Variants in HIRA observed in about 807,000 individuals in gnomAD.
HIRA encodes protein HIRA.
In HIRA, 13 loss-of-function variants were observed where a neutral mutation model predicts 126.6. The ratio of observed to expected loss-of-function variants is 0.10; its 90% CI spans 0.07 to 0.16. The LOEUF is 0.16. Among genes scored for constraint, HIRA ranks in the 10% least tolerant of loss-of-function variants. HIRA has a pLI of 1.00. For missense variants in HIRA, 834 were observed against 1,314.4 expected, an observed-to-expected ratio of 0.63 and a Z score of 5.65; for synonymous variants, 511 against 520.0, an observed-to-expected ratio of 0.98 and a Z score of 0.24.
intron 17 of HIRA, among the ~76,000 whole-genome samples, chr22:19,360,958 T>C (rs1324980530): frequency 1.3e-5 from 2 of 151,618 alleles, no homozygotes; most frequent in African/African-American, 4.9e-5. Context: ...CTGAGAGGAG[T>C]CCTGAAGAGC....
rs782052562 is a variant in HIRA at position 19,356,876 on chromosome 22, T to C, written c.2396+14A>G. The C allele has an allele frequency of 1.4e-5, 23 of 1,612,964 alleles. No homozygotes were observed. The highest frequency in any genetic ancestry group is 1.9e-5 in the Non-Finnish European group (22 of 1,179,668). On this transcript the variant is annotated intron_variant, in intron 19 of 24. Coordinates refer to ENST00000263208, the MANE Select transcript of HIRA (RefSeq NM_003325.4). ...CCTGGCTGAAGCCCACCCCACCCTG[T>C]GCCTGCCTCTCACCAGACAGAGAGT...
intron 5 of HIRA, chr22:19,405,379 G>A (rs1240789838): frequency 2.4e-5 from 12 of 500,042 alleles, no homozygotes; most frequent in Non-Finnish European, 1.8e-5. Context: ...TTAAAACACT[G>A]CAAACATACT....
chr22:19,348,566 G>A (rs2088715343), intron 24 of HIRA, among the ~76,000 whole-genome samples: 1 of 151,932 alleles, frequency 6.6e-6, no homozygotes, highest in Non-Finnish European at 1.5e-5. Context: ...CGCGATCTCG[G>A]CTCACTGCAA....
intron 5 of HIRA, among the ~76,000 whole-genome samples, chr22:19,404,511 G>A (rs750525850): frequency 3.3e-5 from 5 of 152,078 alleles, no homozygotes; most frequent in East Asian, 1.9e-4. Context: ...AACACTAACC[G>A]TTTCAGCTTT....
In HIRA at chr22:19,375,667, G is replaced by A. The variant is rs778236065; in HGVS notation, c.1739C>T (p.Pro580Leu). 4 of 1,614,092 alleles carry A rather than the reference G, an allele frequency of 2.5e-6. No individual in the cohort carries two copies. Among genetic ancestry groups the A allele is most frequent in the Non-Finnish European group, 3.4e-6 (4 of 1,180,054 alleles). Reference protein sequence around the residue: ...TERSKATPGAPALTSMTPTAV... With the variant: ...TERSKATPGALALTSMTPTAV... ...TGTCGGAGTCATGCTGGTCAGGGCAGGAGCACCTGGTGTGGCTTTGGACCG... is the reference window on the plus strand; with the variant it reads ...TGTCGGAGTCATGCTGGTCAGGGCAAGAGCACCTGGTGTGGCTTTGGACCG... Residue 580 changes from proline (P) to leucine (L), a missense_variant, in exon 15 of 25, where the codon CCT becomes CTT. By Grantham distance (98) the Pro-to-Leu change is moderately conservative. Around this residue, in one of 5 missense-constraint regions of HIRA, gnomAD observed 468 missense variants for 574.2 expected, o/e 0.82. Transcript: ENST00000263208.
At chr22:19,392,738 CAG>C (rs1182574512) in intron 8 of HIRA, among the ~76,000 whole-genome samples, 11 of 152,182 alleles carry the variant, frequency 7.2e-5, no homozygotes, top group African/African-American at 2.7e-4. Flanking sequence ...TCTGCTCAGT[CAG>C]AGAGTCATTT....
intron 13 of HIRA, among the ~76,000 whole-genome samples, chr22:19,381,853 T>C (rs2089076309): frequency 6.6e-6 from 1 of 152,256 alleles, no homozygotes; most frequent in African/African-American, 2.4e-5. Flanking sequence ...CTGAGTTACC[T>C]GTTCCTTAAA....
At chr22:19,352,446 A>G (rs1212481161) in intron 23 of HIRA, among the ~76,000 whole-genome samples, 2 of 152,180 alleles carry the variant, frequency 1.3e-5, no homozygotes, top group Non-Finnish European at 2.9e-5. Flanking sequence ...TGGCAACCAC[A>G]TAGACCTGGT....
At chr22:19,399,003 C>T (rs2089245754) in intron 5 of HIRA, 13 of 483,452 alleles carry the variant, frequency 2.7e-5, no homozygotes, top group Non-Finnish European at 3.2e-5. Flanking sequence ...AAACAAAAAA[C>T]CCCAAAACCT....
intron 24 of HIRA, among the ~76,000 whole-genome samples, chr22:19,341,366 T>G (rs952957958): frequency 5.3e-5 from 8 of 151,054 alleles, no homozygotes; most frequent in Non-Finnish European, 8.8e-5. Flanking sequence ...GCAGGATCAC[T>G]TGAGCCTTGG....
At chr22:19,364,624 A>G (rs543311307) in intron 15 of HIRA, among the ~76,000 whole-genome samples, 1 of 152,284 alleles carries the variant, frequency 6.6e-6, no homozygotes, top group East Asian at 1.9e-4. Flanking sequence ...TGTGAACCAC[A>G]CCCATGTAAG....
intron 17 of HIRA, among the ~76,000 whole-genome samples, chr22:19,359,686 G>A (rs2088846374): frequency 6.6e-6 from 1 of 152,212 alleles, no homozygotes; most frequent in South Asian, 2.1e-4. Context: ...CCCAAGGCAG[G>A]GAGAATGCTG....
chr22:19,366,266 G>A (rs1042495094), intron 15 of HIRA, among the ~76,000 whole-genome samples: 1 of 151,954 alleles, frequency 6.6e-6, no homozygotes, highest in African/African-American at 2.4e-5. Flanking sequence ...GGAGGCTGAG[G>A]CAGGAGAATG....
rs139400782 is a variant in HIRA, at chr22:19,363,801, G to T, written c.1776-1870C>A. 3.7e-3 allele frequency among the ~76,000 whole-genome samples: 569 copies of T among 152,300 alleles called. 2 individuals carry two copies. Among genetic ancestry groups the T allele is most frequent in the Middle Eastern group, 6.8e-3 (2 of 294 alleles). On this transcript the variant is annotated intron_variant, in intron 15 of 24. Coordinates refer to ENST00000263208, the MANE Select transcript of HIRA (RefSeq NM_003325.4). ...TAATCCCAGCTACCTGGGAGGCTGA[G>T]GTAGGAGAATTGCTTGAACCTGGGA...
chr22:19,408,205 G>A (rs950378308), intron 3 of HIRA, among the ~76,000 whole-genome samples: 1 of 152,138 alleles, frequency 6.6e-6, no homozygotes, highest in African/African-American at 2.4e-5. Context: ...ACTGTGTCCA[G>A]GTCGCTGGCC....
chr22:19,379,808 T>A (rs765553410), intron 13 of HIRA, among the ~76,000 whole-genome samples: 6 of 152,080 alleles, frequency 3.9e-5, no homozygotes, highest in Non-Finnish European at 5.9e-5. Context: ...GTGTTTCAAC[T>A]ATTTATGGCC....
intron 24 of HIRA, among the ~76,000 whole-genome samples, chr22:19,333,213 C>A (rs1162537394): frequency 6.6e-6 from 1 of 152,062 alleles, no homozygotes; most frequent in Non-Finnish European, 1.5e-5. Context: ...TGGCAAAAGT[C>A]ATTTCTTGAA....
chr22:19,431,702 C>A lies in HIRA; in HGVS notation c.-226G>T, dbSNP rs1025477463. ...GCCGCCACCACAGCCGCATCCCCTG[C>A]GCCGCTCCTCCTCAGGCGGCTCCCG... is the stretch of plus-strand genomic sequence containing the variant. On this transcript the variant is annotated 5_prime_UTR_variant, in exon 1 of 25. Transcript: ENST00000263208. 8.2e-6 allele frequency: 3 copies of A among 364,002 alleles called. No homozygotes were observed. Among genetic ancestry groups the A allele is most frequent in the Non-Finnish European group, 1.4e-5 (3 of 217,368 alleles). The allele number at this position is 364,002 out of a possible 1,614,324, so 22.5% of individuals were successfully genotyped here.
chr22:19,408,799 C>T (rs2146242782), intron 2 of HIRA, among the ~76,000 whole-genome samples: 1 of 152,240 alleles, frequency 6.6e-6, no homozygotes, highest in South Asian at 2.1e-4. Context: ...GCGGACTTAG[C>T]AGTCAGCAGA....
Sources: gnomAD v4.1 joint callset for allele counts (sites outside exome capture counted in the v4.1 genomes callset) on GRCh38, gnomAD v4.1.1 for gene constraint, gnomAD v4.1.1 regional missense constraint, MANE v1.5 for transcripts, NCBI Gene and HGNC (gene_info 2026-07-23, HGNC 2026-07-21) for gene names.